Variants in UBE4B observed in about 807,000 individuals in gnomAD.
UBE4B encodes ubiquitination factor E4B, also known as ubiquitin conjugation factor E4 B.
In UBE4B, 27 loss-of-function variants were observed where a neutral mutation model predicts 148.1. The ratio of observed to expected loss-of-function variants is 0.18; its 90% CI spans 0.13 to 0.25. The LOEUF is 0.25. Among genes scored for constraint, UBE4B ranks in the 10% least tolerant of loss-of-function variants. UBE4B has a pLI of 1.00. For synonymous variants in UBE4B, 596 were observed against 619.3 expected (o/e 0.96, Z 0.56); for missense variants, 1,170 against 1,662.4 (o/e 0.70, Z 5.15).
At chr1:10,149,000 A>G (rs764719811) in intron 19 of UBE4B, among the ~76,000 whole-genome samples, 184 bp from the exon 20 acceptor site, 4 of 152,300 alleles carry the variant, frequency 2.6e-5, no homozygotes, top group Non-Finnish European at 5.9e-5. Flanking sequence ...TTGCATATGC[A>G]CTGTCTTCAT....
intron 16 of UBE4B, among the ~76,000 whole-genome samples, chr1:10,136,160 CA>C (rs1473130866): frequency 2.6e-5 from 4 of 151,980 alleles, no homozygotes; most frequent in Non-Finnish European, 4.4e-5. Flanking sequence ...TACAATACAT[CA>C]GTAAGGAACA....
At position 10,168,152 on chromosome 1, in the gene UBE4B, G is replaced by A. The variant is rs762089422; in HGVS notation, c.3215G>A (p.Arg1072His). 7 of 1,613,922 alleles carry A rather than the reference G, an allele frequency of 4.3e-6. No individual in the cohort carries two copies. Among genetic ancestry groups the A allele is most frequent in the African/African-American group, 2.7e-5 (2 of 74,902 alleles). ...DQLPRDQQQARQSQLAQDERV... is the reference protein window; with the variant it reads ...DQLPRDQQQAHQSQLAQDERV... ...GTGTCCTAGGATCAGCAGCAGGCTCGTCAGTCTCAGCTTGCTCAGGATGAG... is the reference window on the plus strand; with the variant it reads ...GTGTCCTAGGATCAGCAGCAGGCTCATCAGTCTCAGCTTGCTCAGGATGAG... The change falls in exon 24 of 28, where the codon CGT (arginine) becomes CAT (histidine). Residue 1072 changes from arginine to histidine, a missense_variant. Coordinates refer to ENST00000343090, the MANE Select transcript of UBE4B (RefSeq NM_001105562.3). The surrounding 1 kb of genome is among the most constrained non-coding windows in gnomAD (Gnocchi z 4.9).
At chr1:10,053,119 GTTTACAACCGTGCATGGCT>G (rs1371761916) in intron 1 of UBE4B, among the ~76,000 whole-genome samples, 1 of 151,974 alleles carries the variant, frequency 6.6e-6, no homozygotes, top group Admixed American at 6.6e-5. Context: ...GACCACAGGT[GTTTACAACCGTGCATGGCT>G]TTTATTTATT....
chr1:10,098,751 TCTAA>T (rs1229211612), intron 3 of UBE4B, among the ~76,000 whole-genome samples: 1 of 152,196 alleles, frequency 6.6e-6, no homozygotes, highest in African/African-American at 2.4e-5. Context: ...CCTGTCTTAC[TCTAA>T]CTAATATAAA....
chr1:10,152,029 C>T (rs1032519775), intron 21 of UBE4B, among the ~76,000 whole-genome samples: 6 of 151,666 alleles, frequency 4.0e-5, no homozygotes, highest in African/African-American at 9.7e-5. Context: ...GAGGCCGAGG[C>T]GGGCGGATCA....
intron 1 of UBE4B, among the ~76,000 whole-genome samples, chr1:10,036,542 C>T (rs968951385): frequency 6.6e-6 from 1 of 151,458 alleles, no homozygotes; most frequent in African/African-American, 2.4e-5. Flanking sequence ...GCCATGTTTC[C>T]CAGGATGGTC....
Position 10,158,493 on chromosome 1 carries a change from G to A in UBE4B, c.3053+11G>A. The A allele has an allele frequency of 1.2e-6, 2 of 1,609,644 alleles. No individual in the cohort carries two copies. Among genetic ancestry groups the A allele is most frequent in the Non-Finnish European group, 1.7e-6 (2 of 1,177,754 alleles). ...TATGGAGGAGTTCAAGTGAGTATGG[G>A]GCCCCTCGTGTCACAACTTGCTTTC... is the stretch of plus-strand genomic sequence containing the variant. On this transcript the variant is annotated intron_variant, in intron 22 of 27. Coordinates refer to ENST00000343090, the MANE Select transcript of UBE4B (RefSeq NM_001105562.3).
chr1:10,124,649 C>CT (rs1645463694), intron 10 of UBE4B, among the ~76,000 whole-genome samples: 1 of 152,120 alleles, frequency 6.6e-6, no homozygotes, highest in African/African-American at 2.4e-5. Context: ...ACCTTTTTGT[C>CT]TTGAAAGAGT....
intron 23 of UBE4B, among the ~76,000 whole-genome samples, chr1:10,167,142 A>G (rs1646263428): frequency 6.6e-6 from 1 of 151,290 alleles, no homozygotes; most frequent in Admixed American, 6.6e-5. Flanking sequence ...AAAAAAAAAT[A>G]ACAATAATAA....
intron 1 of UBE4B, chr1:10,054,490 C>A: frequency 2.3e-6 from 1 of 430,508 alleles, no homozygotes; most frequent in East Asian, 5.8e-5. Context: ...GGCTTCTTCC[C>A]ATTGGTTCTC....
At chr1:10,107,712 G>A (rs994789879) in intron 7 of UBE4B, among the ~76,000 whole-genome samples, 1 of 151,676 alleles carries the variant, frequency 6.6e-6, no homozygotes, top group African/African-American at 2.4e-5. Flanking sequence ...CAAGTAGCTG[G>A]GATTACAGGC....
intron 1 of UBE4B, among the ~76,000 whole-genome samples, chr1:10,061,457 A>G (rs1221333649): frequency 1.3e-5 from 2 of 152,106 alleles, no homozygotes; most frequent in African/African-American, 2.4e-5. Flanking sequence ...GGGTTTCACC[A>G]TCTTGACCAG....
intron 11 of UBE4B, 66 bp downstream of exon 11, chr1:10,126,943 A>G (rs1273524776): frequency 4.3e-6 from 6 of 1,402,948 alleles, no homozygotes; most frequent in Non-Finnish European, 6.0e-6. Context: ...ATTTTGACAT[A>G]TACTTTTCTT....
rs998363280 is a variant in UBE4B at position 10,168,478 on chromosome 1, A to G, written c.3333+208A>G. ...AAGAGCAGATGTCTGATGTCACCACATAGTCTACAGCCACTTCCAAATGCC... is the reference window on the plus strand; with the variant it reads ...AAGAGCAGATGTCTGATGTCACCACGTAGTCTACAGCCACTTCCAAATGCC... On this transcript the variant is annotated intron_variant, in intron 24 of 27. Transcript: ENST00000343090. This position sits in a 1 kb window ranked among gnomAD's most constrained non-coding sequence, Gnocchi z 4.9. Among the ~76,000 whole-genome samples the G allele has an allele frequency of 6.6e-6, 1 of 152,246 alleles. No homozygotes were observed. Among genetic ancestry groups the G allele is most frequent in the African/African-American group, 2.4e-5 (1 of 41,474 alleles).
intron 18 of UBE4B, 188 bp downstream of exon 18, chr1:10,145,227 C>T (rs966684976): frequency 2.2e-6 from 1 of 451,984 alleles, no homozygotes. Flanking sequence ...TGATTTCAGT[C>T]TCAGGACAGA....
intron 2 of UBE4B, among the ~76,000 whole-genome samples, chr1:10,080,195 A>G (rs6701103): frequency 0.089 from 13,522 of 152,012 alleles, 1,273 homozygotes; most frequent in African/African-American, 0.24. Flanking sequence ...GCCGAGATGG[A>G]GGGATCATGA....
At chr1:10,136,983 G>A in intron 16 of UBE4B, 84 bp from the exon 17 acceptor site, 1 of 1,408,672 alleles carries the variant, frequency 7.1e-7, no homozygotes, top group Non-Finnish European at 9.8e-7. Flanking sequence ...AAATTCAAAT[G>A]TAATTTTCTC....
chr1:10,166,916 C>A (rs1303986642), intron 23 of UBE4B, among the ~76,000 whole-genome samples: 1 of 147,862 alleles, frequency 6.8e-6, no homozygotes, highest in Non-Finnish European at 1.5e-5. Flanking sequence ...CAGAGTGAGA[C>A]CCTGTCTCAA....
Position 10,161,500 on chromosome 1 carries a change from T to G in UBE4B, c.3198+214T>G, listed in dbSNP as rs1646159650. On this transcript the variant is annotated intron_variant, in intron 23 of 27. Coordinates refer to ENST00000343090, the MANE Select transcript of UBE4B (RefSeq NM_001105562.3). This position sits in a 1 kb window ranked among gnomAD's most constrained non-coding sequence, Gnocchi z 4.1. ...AAATGGGTTGAGAAGTCTTTGAAAA[T>G]GTACACTGAAAACTTTCTCTGCCTT... is the stretch of plus-strand genomic sequence containing the variant. Among the ~76,000 whole-genome samples the G allele has an allele frequency of 6.6e-6, 1 of 152,210 alleles. No homozygotes were observed. Among genetic ancestry groups the G allele is most frequent in the Non-Finnish European group, 1.5e-5 (1 of 68,040 alleles).
Sources: gnomAD v4.1 joint callset for allele counts (sites outside exome capture counted in the v4.1 genomes callset) on GRCh38, gnomAD v4.1.1 for gene constraint, Gnocchi (gnomAD v3.1) non-coding constraint, MANE v1.5 for transcripts, NCBI Gene and HGNC (gene_info 2026-07-23, HGNC 2026-07-21) for gene names.